Variants in DMD observed in about 807,000 individuals in gnomAD.
DMD encodes dystrophin.
Under a neutral mutation model 330.1 loss-of-function variants are expected in DMD, and 63 were observed. The ratio of observed to expected loss-of-function variants is 0.19; its 90% CI spans 0.16 to 0.24. The LOEUF (loss-of-function observed/expected upper bound fraction) is 0.24, where lower values mean the gene tolerates loss of function less well. Among genes scored for constraint, DMD ranks in the 10% least tolerant of loss-of-function variants. The pLI, the probability that DMD is intolerant of heterozygous loss-of-function variation, is 1.00. For synonymous variants in DMD, 1,223 were observed against 959.8 expected (o/e 1.27, Z -5.07); for missense variants, 3,344 against 2,684.1 (o/e 1.25, Z -5.43).
At chrX:31,366,209 TTGTG>T (rs1184392971) in intron 60 of DMD, among the ~76,000 whole-genome samples, 1 of 110,611 alleles carries the variant, frequency 9.0e-6, no homozygotes, top group African/African-American at 3.3e-5. Flanking sequence ...CATGGGCTTC[TTGTG>T]TTTCTTTGGA....
chrX:32,076,400 GAC>G (rs1287539628), intron 44 of DMD, among the ~76,000 whole-genome samples: 1 of 94,701 alleles, frequency 1.1e-5, no homozygotes, highest in Non-Finnish European at 2.0e-5. Flanking sequence ...TTTTTTTTGA[GAC>G]AGAGTCTCGC....
At chrX:32,912,987 TA>T (rs1271436055) in intron 2 of DMD, among the ~76,000 whole-genome samples, 1 of 112,426 alleles carries the variant, frequency 8.9e-6, no homozygotes, top group East Asian at 2.8e-4. Context: ...AACATCAACC[TA>T]AAAGAAATTA....
chrX:33,284,015 CA>C (rs1200731638), intron 1 of DMD, among the ~76,000 whole-genome samples: 1 of 110,219 alleles, frequency 9.1e-6, no homozygotes, highest in Non-Finnish European at 1.9e-5. Context: ...AAGACTGTCT[CA>C]AAAAACAAGA....
At chrX:33,226,899 AAACT>A (rs1278699959) in intron 1 of DMD, among the ~76,000 whole-genome samples, 1 of 110,143 alleles carries the variant, frequency 9.1e-6, no homozygotes, top group Non-Finnish European at 1.9e-5. Flanking sequence ...ATATAAGATA[AAACT>A]ACATTGTGAA....
chrX:31,822,847 C>A (rs2092803809), intron 49 of DMD, among the ~76,000 whole-genome samples: 1 of 110,000 alleles, frequency 9.1e-6, no homozygotes, highest in Non-Finnish European at 1.9e-5. Context: ...ATTCATAGTA[C>A]CCCCTGATTT....
chrX:31,742,137 T>G (rs1053228864), intron 51 of DMD, among the ~76,000 whole-genome samples: 2 of 112,440 alleles, frequency 1.8e-5, no homozygotes, highest in Non-Finnish European at 3.8e-5. Context: ...GCCTTTTGCT[T>G]AAGATAATGG....
chrX:31,468,479 G>C lies in DMD; in HGVS notation c.8937+9627C>G, dbSNP rs142035245. Among the ~76,000 whole-genome samples, 458 of 112,169 alleles carry C rather than the reference G, an allele frequency of 4.1e-3. 1 individual carries two copies. Among genetic ancestry groups the C allele is most frequent in the Non-Finnish European group, 6.5e-3 (347 of 53,280 alleles). ...AGTTTCCATGTAGTTGTGTGGTTTT[G>C]AGTGAGTTTCTTAATCCTGAGTTCT... On this transcript the variant is annotated intron_variant, in intron 59 of 78. Coordinates refer to ENST00000357033, the MANE Select transcript of DMD (RefSeq NM_004006.3).
chrX:32,857,755 T>G (rs5972699), intron 2 of DMD, among the ~76,000 whole-genome samples: 1 of 109,750 alleles, frequency 9.1e-6, no homozygotes. Context: ...AAAACATGAA[T>G]CCCAAAGCCA....
intron 59 of DMD, among the ~76,000 whole-genome samples, chrX:31,446,274 A>C (rs1030257937): frequency 8.9e-6 from 1 of 112,311 alleles, no homozygotes; most frequent in Non-Finnish European, 1.9e-5. Flanking sequence ...GGTCATTAAA[A>C]ACATTACGTT....
intron 7 of DMD, among the ~76,000 whole-genome samples, chrX:32,703,573 C>G: frequency 9.0e-6 from 1 of 111,101 alleles, no homozygotes; most frequent in Non-Finnish European, 1.9e-5. Flanking sequence ...GATGAGCCAC[C>G]CCATAATTAT....
chrX:32,500,049 A>C (rs1344873355), intron 19 of DMD, among the ~76,000 whole-genome samples: 2 of 110,666 alleles, frequency 1.8e-5, no homozygotes, highest in Non-Finnish European at 3.8e-5. Context: ...TATCAGTTCG[A>C]CCATATCTTT....
intron 1 of DMD, among the ~76,000 whole-genome samples, chrX:33,096,099 A>G (rs1051550380): frequency 1.9e-5 from 2 of 103,248 alleles, no homozygotes; most frequent in African/African-American, 7.2e-5. Context: ...CTCAGCCTCC[A>G]GAGTAGCTGG....
chrX:32,434,630 CT>C (rs1442503368), intron 29 of DMD, among the ~76,000 whole-genome samples: 2 of 111,472 alleles, frequency 1.8e-5, no homozygotes, highest in Non-Finnish European at 3.8e-5. Flanking sequence ...AAGGCTTATT[CT>C]ACTGCATCGA....
rs1430842252 is a variant in DMD at position 32,529,579 on chromosome X, C to G, written c.2169-11448G>C. On this transcript the variant is annotated intron_variant, in intron 17 of 78. Coordinates refer to ENST00000357033, the MANE Select transcript of DMD (RefSeq NM_004006.3). Reference sequence around the variant, plus strand: ...TTAACTGAGACCTGTCTCAGATTTTCTGGGTCTACAATACAAATGCTTTTT... The same window carrying G: ...TTAACTGAGACCTGTCTCAGATTTTGTGGGTCTACAATACAAATGCTTTTT... Among the ~76,000 whole-genome samples, 9 of 108,091 alleles carry G rather than the reference C, an allele frequency of 8.3e-5. No homozygotes were observed. The Admixed American group carries it at 8.9e-4, about 11-fold the overall frequency. 93.9% of individuals were successfully genotyped at this position (108,091 alleles called of 115,157 possible). A position where few individuals can be genotyped will look rare whatever the true frequency, so the allele number is the denominator to read the frequency against.
At chrX:31,674,394 T>C (rs2081968836) in intron 53 of DMD, among the ~76,000 whole-genome samples, 1 of 112,654 alleles carries the variant, frequency 8.9e-6, no homozygotes, top group South Asian at 3.6e-4. Flanking sequence ...TCCTAAAGAA[T>C]GCCTTCAAAA....
chrX:31,726,025 G>A (rs1157502781), intron 52 of DMD, among the ~76,000 whole-genome samples: 1 of 112,030 alleles, frequency 8.9e-6, no homozygotes, highest in Non-Finnish European at 1.9e-5. Context: ...TTTTGCAGAA[G>A]AAAATGGCCA....
intron 1 of DMD, among the ~76,000 whole-genome samples, chrX:33,125,421 A>T (rs2095457542): frequency 9.0e-6 from 1 of 111,633 alleles, no homozygotes; most frequent in African/African-American, 3.2e-5. Context: ...TTGTAATAAA[A>T]ATGTCTACAT....
intron 9 of DMD, among the ~76,000 whole-genome samples, chrX:32,669,951 C>G (rs763466689): frequency 9.0e-6 from 1 of 111,402 alleles, no homozygotes; most frequent in Non-Finnish European, 1.9e-5. Context: ...ACACACGAAA[C>G]GAACAGTCAC....
chrX:33,314,155 C>T (rs918627485), intron 1 of DMD, among the ~76,000 whole-genome samples: 9 of 111,154 alleles, frequency 8.1e-5, no homozygotes, highest in Non-Finnish European at 1.7e-4. Context: ...TATATATCTA[C>T]ACAAACATAG....
Sources: gnomAD v4.1 joint callset for allele counts (sites outside exome capture counted in the v4.1 genomes callset) on GRCh38, gnomAD v4.1.1 for gene constraint, MANE v1.5 for transcripts, NCBI Gene and HGNC (gene_info 2026-07-23, HGNC 2026-07-21) for gene names.